Variants in PCDH7 observed in about 807,000 individuals in gnomAD.
PCDH7 encodes the protein protocadherin-7.
In PCDH7, 17 loss-of-function variants were observed where a neutral mutation model predicts 58.9. That is an observed-to-expected ratio of 0.29 (90% confidence interval 0.20 to 0.43). The LOEUF is 0.43. Ranked by LOEUF, PCDH7 falls within the 20% of genes least tolerant of loss-of-function variation. The probability of loss-of-function intolerance (pLI) is 1.00; values close to 1 mark genes in which losing one functional copy is unlikely to be tolerated. For missense variants in PCDH7, 1,274 were observed against 1,441.0 expected (o/e 0.88, Z 1.88); for synonymous variants, 664 against 616.4 (o/e 1.08, Z -1.14).
intron 3 of PCDH7, among the ~76,000 whole-genome samples, chr4:31,054,109 G>A (rs1269677759): frequency 6.6e-6 from 1 of 151,998 alleles, no homozygotes; most frequent in Non-Finnish European, 1.5e-5. Context: ...GGGACTACAG[G>A]CACATACCAC....
At chr4:31,066,439 T>G (rs893534762) in intron 3 of PCDH7, among the ~76,000 whole-genome samples, 2 of 151,954 alleles carry the variant, frequency 1.3e-5, no homozygotes, top group Non-Finnish European at 2.9e-5. Context: ...TTCAGAAAAT[T>G]CATAGAATTC....
chr4:31,117,128 T>C (rs538497978), intron 3 of PCDH7, among the ~76,000 whole-genome samples: 1 of 152,306 alleles, frequency 6.6e-6, no homozygotes, highest in Non-Finnish European at 1.5e-5. Context: ...GTGATCCACC[T>C]GCCCCGACCT....
chr4:31,047,844 G>A (rs1756408465), intron 3 of PCDH7, among the ~76,000 whole-genome samples: 2 of 152,002 alleles, frequency 1.3e-5, no homozygotes, highest in Admixed American at 6.6e-5. Flanking sequence ...TGACTTGAGA[G>A]ACAAGATTTA....
intron 1 of PCDH7, among the ~76,000 whole-genome samples, chr4:30,805,300 T>C (rs1726044811): frequency 6.6e-6 from 1 of 152,120 alleles, no homozygotes; most frequent in Non-Finnish European, 1.5e-5. Flanking sequence ...TAGGGGGTCA[T>C]ATGGTAGGTT....
At position 30,786,797 on chromosome 4, in the gene PCDH7, G is replaced by A. The variant is rs193031398; in HGVS notation, c.70+62201G>A. 2.2e-5 allele frequency: 21 copies of A among 969,672 alleles called. No homozygotes were observed. In the East Asian group the frequency reaches 1.4e-3, roughly 63 times the overall value. The allele number at this position is 969,672 out of a possible 1,614,324, so 60.1% of individuals were successfully genotyped here. On this transcript the variant is annotated intron_variant, in intron 1 of 3. Coordinates refer to the PCDH7 transcript ENST00000509759. ...TCGTGTAAAATGAATGTATGTGCTCGTAAGTGAAATATATGCAGTGTTCCA... is the reference window on the plus strand; with the variant it reads ...TCGTGTAAAATGAATGTATGTGCTCATAAGTGAAATATATGCAGTGTTCCA...
chr4:30,790,904 CAGAG>C (rs1475969433), intron 1 of PCDH7, among the ~76,000 whole-genome samples: 3 of 151,806 alleles, frequency 2.0e-5, no homozygotes, highest in Non-Finnish European at 4.4e-5. Context: ...GCAAGAATGA[CAGAG>C]AGAGACCTTG....
chr4:31,065,834 A>G (rs191519653), intron 3 of PCDH7, among the ~76,000 whole-genome samples: 1 of 152,036 alleles, frequency 6.6e-6, no homozygotes, highest in East Asian at 1.9e-4. Flanking sequence ...TGTCTCTGGA[A>G]TCTTTTGGAA....
At chr4:30,860,091 A>T (rs1734007020) in intron 1 of PCDH7, among the ~76,000 whole-genome samples, 1 of 152,196 alleles carries the variant, frequency 6.6e-6, no homozygotes, top group African/African-American at 2.4e-5. Flanking sequence ...CACAAACATC[A>T]GTAAGGCATT....
In PCDH7 at chr4:30,899,040, G is replaced by A. The variant is rs1050537583; in HGVS notation, c.71-21113G>A. Among the ~76,000 whole-genome samples, 4 of 151,936 alleles carry A rather than the reference G, an allele frequency of 2.6e-5. No homozygotes were observed. In the East Asian group the frequency reaches 7.7e-4, roughly 29 times the overall value. On this transcript the variant is annotated intron_variant, in intron 1 of 3. Transcript: ENST00000509759. Reference sequence around the variant, plus strand: ...TGGAATATGGAAAAAAAAAGTAACTGAACTTTATGAAGTAATGGACAATGT... The same window carrying A: ...TGGAATATGGAAAAAAAAAGTAACTAAACTTTATGAAGTAATGGACAATGT...
intron 1 of PCDH7, among the ~76,000 whole-genome samples, chr4:30,835,833 G>A (rs1402733245): frequency 6.6e-6 from 1 of 152,134 alleles, no homozygotes; most frequent in Non-Finnish European, 1.5e-5. Flanking sequence ...TTTAAAATGG[G>A]AGGAGGAGGA....
At chr4:31,111,366 G>C (rs1716293083) in intron 3 of PCDH7, among the ~76,000 whole-genome samples, 1 of 149,838 alleles carries the variant, frequency 6.7e-6, no homozygotes, top group Non-Finnish European at 1.5e-5. Flanking sequence ...AGAGTGCAAT[G>C]GTGCCACCTC....
chr4:30,955,682 G>A (rs1434448543), intron 3 of PCDH7, among the ~76,000 whole-genome samples: 1 of 151,764 alleles, frequency 6.6e-6, no homozygotes, highest in Non-Finnish European at 1.5e-5. Context: ...TCCAGTAGCT[G>A]GGATTACAGG....
chr4:30,844,468 C>A (rs898699690), intron 1 of PCDH7, among the ~76,000 whole-genome samples: 1 of 152,060 alleles, frequency 6.6e-6, no homozygotes, highest in Non-Finnish European at 1.5e-5. Flanking sequence ...AAGTTAGTAT[C>A]GACTTCCACA....
At chr4:30,872,128 G>C (rs796512243) in intron 1 of PCDH7, among the ~76,000 whole-genome samples, 3 of 152,176 alleles carry the variant, frequency 2.0e-5, no homozygotes, top group African/African-American at 7.2e-5. Flanking sequence ...GCCCATAACA[G>C]ATAAATTGGG....
chr4:31,049,759 A>G (rs1756589169), intron 3 of PCDH7, among the ~76,000 whole-genome samples: 1 of 152,076 alleles, frequency 6.6e-6, no homozygotes, highest in South Asian at 2.1e-4. Flanking sequence ...ATTAAAATAT[A>G]GTACCTGATA....
chr4:31,048,073 C>A (rs141155769), intron 3 of PCDH7, among the ~76,000 whole-genome samples: 44 of 151,870 alleles, frequency 2.9e-4, no homozygotes, highest in Non-Finnish European at 5.9e-4. Flanking sequence ...AATATTAGTT[C>A]CATGAAGAAA....
At chr4:31,113,726 A>G (rs1716623239) in intron 3 of PCDH7, among the ~76,000 whole-genome samples, 1 of 152,204 alleles carries the variant, frequency 6.6e-6, no homozygotes, top group Admixed American at 6.5e-5. Flanking sequence ...ATAGGTACAA[A>G]AAATTTTTGC....
At chr4:31,128,706 ACTT>A (rs1471388864) in intron 3 of PCDH7, among the ~76,000 whole-genome samples, 4 of 152,152 alleles carry the variant, frequency 2.6e-5, no homozygotes, top group Admixed American at 1.3e-4. Flanking sequence ...TTCCCATTGG[ACTT>A]CTTCTTAGCA....
intron 3 of PCDH7, among the ~76,000 whole-genome samples, chr4:31,118,067 C>T (rs995550857): frequency 2.0e-5 from 3 of 152,190 alleles, no homozygotes; most frequent in Non-Finnish European, 2.9e-5. Flanking sequence ...ATAGGATTCA[C>T]ATTTAAATTG....
Sources: allele counts gnomAD v4.1 joint callset (sites outside exome capture counted in the v4.1 genomes callset), GRCh38; gene constraint gnomAD v4.1.1; transcripts MANE v1.5; gene names NCBI Gene and HGNC (gene_info 2026-07-23, HGNC 2026-07-21).